Variants in FOXO3 observed in about 807,000 individuals in gnomAD.
FOXO3 encodes the protein forkhead box protein O3.
FOXO3 carries 4 observed loss-of-function variants against 41.9 expected under a neutral mutation model. The ratio of observed to expected loss-of-function variants is 0.10; its 90% CI spans 0.05 to 0.22. The LOEUF (loss-of-function observed/expected upper bound fraction) is 0.22. Ranked by LOEUF, FOXO3 falls within the 10% of genes least tolerant of loss-of-function variation. The pLI, the probability that FOXO3 is intolerant of heterozygous loss-of-function variation, is 1.00. For missense variants in FOXO3, 534 were observed against 906.8 expected, an observed-to-expected ratio of 0.59 and a Z score of 5.28; for synonymous variants, 318 against 389.3, an observed-to-expected ratio of 0.82 and a Z score of 2.16.
At chr6:108,598,752 T>C (rs949292224) in intron 1 of FOXO3, among the ~76,000 whole-genome samples, 10 of 152,098 alleles carry the variant, frequency 6.6e-5, no homozygotes, top group African/African-American at 2.4e-4. Flanking sequence ...ATTCATGACA[T>C]TGGTTTGGCA....
intron 1 of FOXO3, among the ~76,000 whole-genome samples, chr6:108,610,427 T>C (rs1396051741): frequency 6.6e-6 from 1 of 152,098 alleles, no homozygotes; most frequent in Admixed American, 6.5e-5. Context: ...TAAGTACAAG[T>C]GAAAGTCATG....
At chr6:108,647,335 C>A (rs1169196831) in intron 1 of FOXO3, among the ~76,000 whole-genome samples, 1 of 152,188 alleles carries the variant, frequency 6.6e-6, no homozygotes, top group Admixed American at 6.5e-5. Context: ...AAACTGGGGT[C>A]CCTGCATAAT....
chr6:108,669,252 T>C (rs920973364), intron 2 of FOXO3, among the ~76,000 whole-genome samples: 2 of 152,222 alleles, frequency 1.3e-5, no homozygotes, highest in African/African-American at 4.8e-5. Context: ...GGCTGCAGTA[T>C]TGGAAGCCAT....
chr6:108,647,612 G>A (rs562740790), intron 1 of FOXO3, among the ~76,000 whole-genome samples: 2 of 152,228 alleles, frequency 1.3e-5, no homozygotes, highest in South Asian at 4.2e-4. Context: ...CACATTATTT[G>A]ACCATGTGGC....
chr6:108,588,566 T>G (rs1477625217), intron 1 of FOXO3, among the ~76,000 whole-genome samples: 1 of 152,244 alleles, frequency 6.6e-6, no homozygotes, highest in Non-Finnish European at 1.5e-5. Flanking sequence ...CTTCCTCTGG[T>G]CTACTGCTTC....
chr6:108,652,904 G>A (rs1406607461), intron 1 of FOXO3, among the ~76,000 whole-genome samples: 1 of 152,216 alleles, frequency 6.6e-6, no homozygotes, highest in East Asian at 1.9e-4. Context: ...CCCATGACAG[G>A]TGGAGAGCCG....
At chr6:108,649,607 C>T (rs1778493166) in intron 1 of FOXO3, among the ~76,000 whole-genome samples, 1 of 149,220 alleles carries the variant, frequency 6.7e-6, no homozygotes, top group Non-Finnish European at 1.5e-5. Flanking sequence ...TCATGGCAAC[C>T]TCCACTTCCC....
intron 1 of FOXO3, among the ~76,000 whole-genome samples, chr6:108,584,814 T>C (rs1173699602): frequency 6.6e-6 from 1 of 152,114 alleles, no homozygotes; most frequent in Non-Finnish European, 1.5e-5. Context: ...ACAATAATGA[T>C]AGCCTTTCCT....
At chr6:108,640,100 C>T (rs58451520) in intron 1 of FOXO3, among the ~76,000 whole-genome samples, 6,368 of 152,224 alleles carry the variant, frequency 0.042, 252 homozygotes, top group South Asian at 0.22. Flanking sequence ...CAGGGTGGAG[C>T]CAGTCTTGCT....
At chr6:108,566,952 A>G (rs1775962281) in intron 1 of FOXO3, among the ~76,000 whole-genome samples, 1 of 152,250 alleles carries the variant, frequency 6.6e-6, no homozygotes. Context: ...TCATGTATTC[A>G]ACAAATGTTT....
chr6:108,603,765 G>C (rs1322039019), intron 1 of FOXO3, among the ~76,000 whole-genome samples: 1 of 152,102 alleles, frequency 6.6e-6, no homozygotes, highest in Non-Finnish European at 1.5e-5. Context: ...TTCCCAAACT[G>C]AGGGTGTGCC....
chr6:108,590,476 T>C (rs1776705251), intron 1 of FOXO3, among the ~76,000 whole-genome samples: 1 of 152,230 alleles, frequency 6.6e-6, no homozygotes, highest in Non-Finnish European at 1.5e-5. Flanking sequence ...TTTAAAATAC[T>C]AAATGAAATT....
intron 1 of FOXO3, among the ~76,000 whole-genome samples, chr6:108,611,696 C>CTT (rs780238724): frequency 6.1e-4 from 76 of 125,438 alleles, no homozygotes; most frequent in Middle Eastern, 4.4e-3. Flanking sequence ...AATCTTTTGC[C>CTT]TTTTTTTTTT....
At chr6:108,591,766 G>A (rs1158359310) in intron 1 of FOXO3, among the ~76,000 whole-genome samples, 2 of 152,062 alleles carry the variant, frequency 1.3e-5, no homozygotes, top group African/African-American at 2.4e-5. Flanking sequence ...CCGAGATTTT[G>A]GGATTGTACT....
intron 1 of FOXO3, among the ~76,000 whole-genome samples, chr6:108,630,856 C>T (rs1199977412): frequency 2.6e-5 from 4 of 152,108 alleles, no homozygotes; most frequent in Non-Finnish European, 5.9e-5. Context: ...TCTTTGCCAC[C>T]AAGGGTTGTT....
At chr6:108,629,150 G>T (rs1041414450) in intron 1 of FOXO3, among the ~76,000 whole-genome samples, 1 of 152,114 alleles carries the variant, frequency 6.6e-6, no homozygotes, top group African/African-American at 2.4e-5. Context: ...AATTTAAAAT[G>T]ATCTGTTACT....
chr6:108,582,662 GAC>G (rs1220071363), intron 1 of FOXO3, among the ~76,000 whole-genome samples: 1 of 151,818 alleles, frequency 6.6e-6, no homozygotes, highest in Non-Finnish European at 1.5e-5. Flanking sequence ...TCCCCAAGGA[GAC>G]AGTTTTTAGG....
chr6:108,593,328 A>G (rs1016892854), intron 1 of FOXO3, among the ~76,000 whole-genome samples: 1 of 152,240 alleles, frequency 6.6e-6, no homozygotes, highest in African/African-American at 2.4e-5. Flanking sequence ...AAGGAAAGCT[A>G]AATAATTGGT....
At chr6:108,671,207 C>A (rs1779207921) in intron 2 of FOXO3, among the ~76,000 whole-genome samples, 1 of 152,160 alleles carries the variant, frequency 6.6e-6, no homozygotes, top group Admixed American at 6.5e-5. Context: ...ACTTGAGGAG[C>A]TCCATACTAA....
Sources: allele counts gnomAD v4.1 joint callset (sites outside exome capture counted in the v4.1 genomes callset), GRCh38; gene constraint gnomAD v4.1.1; transcripts MANE v1.5; gene names NCBI Gene and HGNC (gene_info 2026-07-23, HGNC 2026-07-21).